The following RBM28 variants were observed in gnomAD, a reference collection of about 807,000 sequenced individuals.
RBM28 encodes RNA-binding protein 28.
Under a neutral mutation model 98.3 loss-of-function variants are expected in RBM28, and 78 were observed. That is an observed-to-expected ratio of 0.79 (90% CI 0.66 to 0.96). The LOEUF is 0.96. Among genes scored for constraint, RBM28 ranks in the 40% least tolerant of loss-of-function variants. The pLI is 0.00. For synonymous variants in RBM28, 306 were observed against 330.9 expected (o/e 0.92, Z 0.82); for missense variants, 838 against 913.0 (o/e 0.92, Z 1.06).
At chr7:128,333,066 C>T (rs1275213775) in intron 9 of RBM28, among the ~76,000 whole-genome samples, 4 of 152,172 alleles carry the variant, frequency 2.6e-5, no homozygotes, top group African/African-American at 7.2e-5. Context: ...AATTACAAAG[C>T]ATGAAATCTA....
rs117823256 is a variant in RBM28 at position 128,310,780 on chromosome 7, C to T, written c.*17G>A. The T allele has an allele frequency of 3.2e-3, 5,204 of 1,613,774 alleles. 19 individuals carry two copies. Among genetic ancestry groups the T allele is most frequent in the Admixed American group, 7.0e-3 (419 of 60,004 alleles). On this transcript the variant is annotated 3_prime_UTR_variant, in exon 19 of 19. Transcript: ENST00000223073. The stretch of plus-strand genomic sequence containing the variant: ...GAAAGTACACAACCCAGCTTCTTAC[C>T]CAGCCTGCTGCCATCATCAACTATC...
Position 128,312,840 on chromosome 7 carries a change from C to T in RBM28, c.2145+335G>A, listed in dbSNP as rs79403472. On this transcript the variant is annotated intron_variant, in intron 18 of 18. Coordinates refer to ENST00000223073, the MANE Select transcript of RBM28 (RefSeq NM_018077.3). Reference sequence around the variant, plus strand: ...TAAGGCCTGATCAGTTAGAGATGCACTCTGAGGTTTTTCTGAGCAATATGT... The same window carrying T: ...TAAGGCCTGATCAGTTAGAGATGCATTCTGAGGTTTTTCTGAGCAATATGT... 5.7e-3 allele frequency among the ~76,000 whole-genome samples: 875 copies of T among 152,228 alleles called. 7 individuals carry two copies. The highest frequency in any genetic ancestry group is 0.02 in the African/African-American group (841 of 41,530).
In RBM28 at chr7:128,342,266, C is replaced by G. The variant is rs115390967; in HGVS notation, c.118+1410G>C. 7.1e-3 allele frequency among the ~76,000 whole-genome samples: 1,087 copies of G among 152,248 alleles called. 15 individuals are homozygous for G. The highest frequency in any genetic ancestry group is 0.024 in the African/African-American group (995 of 41,536). On this transcript the variant is annotated intron_variant, in intron 1 of 18. Coordinates refer to ENST00000223073, the MANE Select transcript of RBM28 (RefSeq NM_018077.3). The stretch of plus-strand genomic sequence containing the variant: ...ACATTACTGTACAGGACTTTCGGTC[C>G]CTATTTTAAGTACATAAGCTTTTGT...
chr7:128,332,156 T>A (rs1442027831), intron 9 of RBM28, among the ~76,000 whole-genome samples: 1 of 152,196 alleles, frequency 6.6e-6, no homozygotes, highest in Non-Finnish European at 1.5e-5. Flanking sequence ...ATACAATTTT[T>A]AAAACACATG....
chr7:128,322,343 T>C (rs1215496319), intron 13 of RBM28, among the ~76,000 whole-genome samples: 11 of 152,292 alleles, frequency 7.2e-5, no homozygotes, highest in Admixed American at 4.6e-4. Context: ...GTGTCTAAAA[T>C]GAAATGAAAG....
rs1796670923 is a variant in RBM28 at position 128,339,316 on chromosome 7, A to G, written c.283T>C (p.Ser95Pro). 1 of 1,608,244 alleles carries G rather than the reference A, an allele frequency of 6.2e-7. No homozygotes were observed. Among genetic ancestry groups the G allele is most frequent in the Non-Finnish European group, 8.5e-7 (1 of 1,175,782 alleles). The change falls in exon 3 of 19, where the codon TCA becomes CCA. Residue 95 changes from serine to proline, a missense_variant. Ser to Pro is a moderately conservative substitution (Grantham distance 74). Coordinates refer to ENST00000223073, the MANE Select transcript of RBM28 (RefSeq NM_018077.3). ...TTCGGCTCCTTCTTTGGGCACTCTG[A>G]GTTTTCTAAAAAATAAGAGGTAATG... ...KTKEKGKNEN[S>P]ECPKKEPKAK... is the part of the protein sequence containing the mutation.
rs1795803602 is a variant in RBM28 at position 128,303,129 on chromosome 7, C to A, written c.*7668G>T. ...ATGAAAATGCCCTTCCTTTTCTTAC[C>A]ACCTAATTTGGAAAAGAGAAACTAT... On this transcript the variant is annotated 3_prime_UTR_variant, in exon 19 of 19. Transcript: ENST00000223073. The A allele has an allele frequency of 6.6e-6, 1 of 152,152 alleles. No individual in the cohort carries two copies. The allele number at this position is 152,152 out of a possible 1,614,324, so 9.4% of individuals were successfully genotyped here. A position where few individuals can be genotyped will look rare whatever the true frequency, so the allele number is the denominator to read the frequency against.
At chr7:128,323,613 C>G (rs201297674) in intron 12 of RBM28, 22 bp from the exon 13 acceptor site, 234 of 1,613,894 alleles carry the variant, frequency 1.4e-4, no homozygotes, top group Non-Finnish European at 1.9e-4. Flanking sequence ...GGGAAAAAGG[C>G]CAAGACATCA....
chr7:128,323,349 C>T (rs1053172397), intron 13 of RBM28, among the ~76,000 whole-genome samples, 178 bp downstream of exon 13: 1 of 152,218 alleles, frequency 6.6e-6, no homozygotes, highest in African/African-American at 2.4e-5. Context: ...AGATAGAATA[C>T]TATGTATGAT....
At chr7:128,333,149 T>C in intron 9 of RBM28, 141 bp downstream of exon 9, 4 of 712,022 alleles carry the variant, frequency 5.6e-6, no homozygotes, top group Admixed American at 2.1e-5. Flanking sequence ...ACATTTCTCA[T>C]TGTTTAGTAT....
At chr7:128,314,658 C>T (rs1439322003) in intron 17 of RBM28, 106 bp downstream of exon 17, 12 of 1,560,308 alleles carry the variant, frequency 7.7e-6, no homozygotes, top group Non-Finnish European at 1.1e-5. Flanking sequence ...TAGCACCAAA[C>T]ATCCTTTTCA....
At position 128,307,925 on chromosome 7, in the gene RBM28, G is replaced by A. The variant is rs1477214000; in HGVS notation, c.*2872C>T. 1 of 152,154 alleles carries A rather than the reference G, an allele frequency of 6.6e-6. No individual in the cohort carries two copies. The highest frequency in any genetic ancestry group is 1.5e-5 in the Non-Finnish European group (1 of 68,032). The allele number at this position is 152,154 out of a possible 1,614,324, so 9.4% of individuals were successfully genotyped here. On this transcript the variant is annotated 3_prime_UTR_variant, in exon 19 of 19. Transcript: ENST00000223073. ...ACCTCCCGAAGTGCTGCAATCATAG[G>A]TATGAGACTCTGTGCCCCACCTGTT...
rs1026067114 is a variant in RBM28, at chr7:128,307,906, C to T, written c.*2891G>A. 6.6e-6 allele frequency: 1 copy of T among 152,152 alleles called. No individual in the cohort carries two copies. Among genetic ancestry groups the T allele is most frequent in the Admixed American group, 6.6e-5 (1 of 15,260 alleles). 9.4% of individuals were successfully genotyped at this position (152,152 alleles called of 1,614,324 possible). ...GACCTCAAGCAATCCTCCCACCTCC[C>T]GAAGTGCTGCAATCATAGGTATGAG... On this transcript the variant is annotated 3_prime_UTR_variant, in exon 19 of 19. Coordinates refer to ENST00000223073, the MANE Select transcript of RBM28 (RefSeq NM_018077.3).
rs1444087586 is a variant in RBM28 at position 128,298,618 on chromosome 7, T to C, written c.*12179A>G. The C allele has an allele frequency of 6.6e-6, 1 of 152,222 alleles. No individual in the cohort carries two copies. Among genetic ancestry groups the C allele is most frequent in the African/African-American group, 2.4e-5 (1 of 41,448 alleles). The allele number at this position is 152,222 out of a possible 1,614,324, so 9.4% of individuals were successfully genotyped here. A position where few individuals can be genotyped will look rare whatever the true frequency, so the allele number is the denominator to read the frequency against. On this transcript the variant is annotated 3_prime_UTR_variant, in exon 19 of 19. Transcript: ENST00000223073. Reference sequence around the variant, plus strand: ...CTTTAAATATACAGAATATATTCTTTACATATAAAACACTGCTCCTTCAGA... The same window carrying C: ...CTTTAAATATACAGAATATATTCTTCACATATAAAACACTGCTCCTTCAGA...
chr7:128,327,467 T>G (rs1342071408), intron 10 of RBM28, among the ~76,000 whole-genome samples: 1 of 152,202 alleles, frequency 6.6e-6, no homozygotes, highest in Non-Finnish European at 1.5e-5. Flanking sequence ...CAGGACCAAT[T>G]AACCCATCTC....
chr7:128,307,050 C>G lies in RBM28; in HGVS notation c.*3747G>C, dbSNP rs1011121068. ...TCTCGACTTGGCCTGAGAGAAACCT[C>G]ATCCTGGCCCTTAAAGTGCCAATTA... On this transcript the variant is annotated 3_prime_UTR_variant, in exon 19 of 19. Coordinates refer to ENST00000223073, the MANE Select transcript of RBM28 (RefSeq NM_018077.3). 6.6e-6 allele frequency: 1 copy of G among 152,270 alleles called. No homozygotes were observed. The highest frequency in any genetic ancestry group is 2.4e-5 in the African/African-American group (1 of 41,476). 9.4% of individuals were successfully genotyped at this position (152,270 alleles called of 1,614,324 possible).
chr7:128,337,038 T>C, intron 6 of RBM28, 93 bp downstream of exon 6: 2 of 1,396,566 alleles, frequency 1.4e-6, no homozygotes, highest in Non-Finnish European at 2.0e-6. Context: ...CCCAGCCTTT[T>C]TCTTACACTT....
chr7:128,338,331 G>C lies in RBM28; in HGVS notation c.460C>G (p.Arg154Gly). 1.9e-6 allele frequency: 3 copies of C among 1,613,712 alleles called. No individual in the cohort carries two copies. Among genetic ancestry groups the C allele is most frequent in the Non-Finnish European group, 2.5e-6 (3 of 1,179,648 alleles). ...NIPRKPDGKM[R>G]GFGFVQFKNL... Reference sequence around the variant, plus strand: ...TTGAACTGAACAAAACCAAAACCGCGCATCTTCCCATCTGTGTGCAAATGC... The same window carrying C: ...TTGAACTGAACAAAACCAAAACCGCCCATCTTCCCATCTGTGTGCAAATGC... The change falls in exon 5 of 19, where the codon CGC becomes GGC. Residue 154 changes from arginine (R) to glycine (G), a missense_variant. Physicochemically the swap from Arg to Gly is moderately radical, Grantham distance 125 (BLOSUM62 -2). Coordinates refer to ENST00000223073, the MANE Select transcript of RBM28 (RefSeq NM_018077.3).
intron 1 of RBM28, among the ~76,000 whole-genome samples, chr7:128,342,188 T>C (rs1423931638): frequency 1.3e-5 from 2 of 152,106 alleles, no homozygotes; most frequent in Admixed American, 1.3e-4. Flanking sequence ...AAACAAACTC[T>C]AGTCATGACC....
Sources: gnomAD v4.1 joint callset for allele counts (sites outside exome capture counted in the v4.1 genomes callset) on GRCh38, gnomAD v4.1.1 for gene constraint, MANE v1.5 for transcripts, NCBI Gene and HGNC (gene_info 2026-07-23, HGNC 2026-07-21) for gene names.